The following SLC7A11 variants were observed in gnomAD, a reference collection of about 807,000 sequenced individuals.
The protein encoded by SLC7A11 is cystine/glutamate transporter.
Under a neutral mutation model 54.5 loss-of-function variants are expected in SLC7A11, and 35 were observed. That is an observed-to-expected ratio of 0.64 (90% CI 0.49 to 0.85). SLC7A11 has a LOEUF of 0.85. Ranked by LOEUF, SLC7A11 falls within the 40% of genes least tolerant of loss-of-function variation. SLC7A11 has a pLI of 0.00. For synonymous variants in SLC7A11, 230 were observed against 225.2 expected (o/e 1.02, Z -0.19); for missense variants, 583 against 618.1 (o/e 0.94, Z 0.60).
chr4:138,202,493 T>C lies in SLC7A11; in HGVS notation c.791+12092A>G, dbSNP rs189175933. On this transcript the variant is annotated intron_variant, in intron 6 of 11. Coordinates refer to ENST00000280612, the MANE Select transcript of SLC7A11 (RefSeq NM_014331.4). ...GTCCTGCCTAATCTCCTAACCATCA[T>C]GGGATCTGGAAAATGGCCATAGCAT... Among the ~76,000 whole-genome samples, 350 of 152,234 alleles carry C rather than the reference T, an allele frequency of 2.3e-3. 1 individual carries two copies. The highest frequency in any genetic ancestry group is 4.0e-3 in the Non-Finnish European group (271 of 67,990).
Position 138,179,447 on chromosome 4 carries a change from C to T in SLC7A11, c.1267-53G>A, listed in dbSNP as rs527732193. 158 of 1,525,008 alleles carry T rather than the reference C, an allele frequency of 1.0e-4. No individual in the cohort carries two copies. In the African/African-American group the frequency reaches 2.0e-3, roughly 19 times the overall value. 94.5% of individuals were successfully genotyped at this position (1,525,008 alleles called of 1,614,324 possible). On this transcript the variant is annotated intron_variant, in intron 10 of 11. Transcript: ENST00000280612. ...TTCAAACATGTTCAAGCAACAGAAG[C>T]TGGGTTTGAGATGAGCGTGTCAGTC...
At chr4:138,179,492 T>TA (rs1397788290) in intron 10 of SLC7A11, 98 bp from the exon 11 acceptor site, 1 of 1,012,066 alleles carries the variant, frequency 9.9e-7, no homozygotes, top group Non-Finnish European at 1.5e-6. Flanking sequence ...ACTTTAGTGA[T>TA]ATGCTGTAGT....
chr4:138,201,382 G>A (rs1737282192), intron 6 of SLC7A11, among the ~76,000 whole-genome samples: 1 of 151,958 alleles, frequency 6.6e-6, no homozygotes, highest in Non-Finnish European at 1.5e-5. Context: ...AATTTTAAGA[G>A]AAAGCATATA....
chr4:138,211,895 T>G (rs190765803), intron 6 of SLC7A11, among the ~76,000 whole-genome samples: 1 of 151,988 alleles, frequency 6.6e-6, no homozygotes, highest in African/African-American at 2.4e-5. Flanking sequence ...AAGGAGAAAG[T>G]AATGAAGATA....
rs1307564930 is a variant in SLC7A11 at position 138,165,605 on chromosome 4, A to G, written c.*6351T>C. 1 of 152,186 alleles carries G rather than the reference A, an allele frequency of 6.6e-6. No homozygotes were observed. The highest frequency in any genetic ancestry group is 1.5e-5 in the Non-Finnish European group (1 of 68,004). The allele number at this position is 152,186 out of a possible 1,614,324, so 9.4% of individuals were successfully genotyped here. Reference sequence around the variant, plus strand: ...AGAAGTTCTAGTGAAAAGTCATACTATTGTGCAAAGATGAAAATTTGGAGC... The same window carrying G: ...AGAAGTTCTAGTGAAAAGTCATACTGTTGTGCAAAGATGAAAATTTGGAGC... On this transcript the variant is annotated 3_prime_UTR_variant, in exon 12 of 12. Coordinates refer to ENST00000280612, the MANE Select transcript of SLC7A11 (RefSeq NM_014331.4).
intron 6 of SLC7A11, among the ~76,000 whole-genome samples, chr4:138,204,838 T>C (rs1438329380): frequency 6.6e-6 from 1 of 152,076 alleles, no homozygotes; most frequent in Non-Finnish European, 1.5e-5. Context: ...CATCATCTTC[T>C]GAACCTTTTA....
In SLC7A11 at chr4:138,170,269, TATAC is replaced by T. The variant is rs1253987973; in HGVS notation, c.*1683_*1686del. ...GTGTGTGTATATATATATATATATA[TATAC>T]ACACACACACACACACACACATACA... On this transcript the variant is annotated 3_prime_UTR_variant, in exon 12 of 12. Coordinates refer to ENST00000280612, the MANE Select transcript of SLC7A11 (RefSeq NM_014331.4). 2.7e-4 allele frequency: 22 copies of T among 81,296 alleles called. No individual in the cohort carries two copies. Among genetic ancestry groups the T allele is most frequent in the African/African-American group, 8.0e-4 (19 of 23,634 alleles). The allele number at this position is 81,296 out of a possible 1,614,324, so 5.0% of individuals were successfully genotyped here.
At chr4:138,204,610 G>A (rs1331629584) in intron 6 of SLC7A11, among the ~76,000 whole-genome samples, 1 of 151,898 alleles carries the variant, frequency 6.6e-6, no homozygotes, top group African/African-American at 2.4e-5. Flanking sequence ...TGGTAAGACA[G>A]TAAACCTAAA....
rs934031476 is a variant in SLC7A11, at chr4:138,168,301, T to A, written c.*3655A>T. The A allele has an allele frequency of 6.6e-6, 1 of 152,198 alleles. No individual in the cohort carries two copies. Among genetic ancestry groups the A allele is most frequent in the Non-Finnish European group, 1.5e-5 (1 of 68,036 alleles). 9.4% of individuals were successfully genotyped at this position (152,198 alleles called of 1,614,324 possible). The stretch of plus-strand genomic sequence containing the variant: ...CACAGCAAACAACTAATTTTTAATA[T>A]TTCTCTGACTATATTGCATAACATT... On this transcript the variant is annotated 3_prime_UTR_variant, in exon 12 of 12. Coordinates refer to ENST00000280612, the MANE Select transcript of SLC7A11 (RefSeq NM_014331.4).
intron 6 of SLC7A11, among the ~76,000 whole-genome samples, chr4:138,186,311 A>G (rs78534873): frequency 0.012 from 1,829 of 152,240 alleles, 32 homozygotes; most frequent in African/African-American, 0.041. Flanking sequence ...GAAGACCTCA[A>G]TATAATTTCT....
chr4:138,219,165 G>A (rs1474051600), intron 5 of SLC7A11, 101 bp downstream of exon 5: 2 of 701,498 alleles, frequency 2.9e-6, no homozygotes, highest in Non-Finnish European at 5.1e-6. Context: ...ACTGGATTAT[G>A]GCTATTCACA....
chr4:138,241,220 G>C (rs1738369564), intron 1 of SLC7A11, among the ~76,000 whole-genome samples: 2 of 152,196 alleles, frequency 1.3e-5, no homozygotes, highest in Admixed American at 1.3e-4. Flanking sequence ...TTATGATAGG[G>C]ATTGAGTTAT....
chr4:138,196,677 TAGAC>T (rs746254409), intron 6 of SLC7A11, among the ~76,000 whole-genome samples: 11 of 151,972 alleles, frequency 7.2e-5, no homozygotes, highest in Non-Finnish European at 1.5e-4. Context: ...TATTATTTTT[TAGAC>T]AGAGCCTCAC....
chr4:138,226,345 T>G lies in SLC7A11; in HGVS notation c.521-3021A>C, dbSNP rs149878591. ...TCACAGGTGAATACATACATCACAC[T>G]TTATCAAACTGTACATTTAAAGCAT... On this transcript the variant is annotated intron_variant, in intron 3 of 11. Coordinates refer to ENST00000280612, the MANE Select transcript of SLC7A11 (RefSeq NM_014331.4). 8.5e-3 allele frequency among the ~76,000 whole-genome samples: 1,294 copies of G among 152,314 alleles called. 14 individuals are homozygous for G. The highest frequency in any genetic ancestry group is 0.027 in the Middle Eastern group (8 of 294).
chr4:138,222,059 C>T (rs1737825732), intron 4 of SLC7A11, among the ~76,000 whole-genome samples: 1 of 152,204 alleles, frequency 6.6e-6, no homozygotes, highest in South Asian at 2.1e-4. Context: ...GAAGAGCAAG[C>T]TCCTGTCTTC....
chr4:138,172,036 G>A lies in SLC7A11; in HGVS notation c.1445-19C>T, dbSNP rs868360832. 1.3e-6 allele frequency: 2 copies of A among 1,566,266 alleles called. No individual in the cohort carries two copies. Among genetic ancestry groups the A allele is most frequent in the Non-Finnish European group, 1.7e-6 (2 of 1,162,814 alleles). ...ATTTTCTCTACAAAGAAATAAAAAT[G>A]AATTAAAAATGCATGGAAATCAGAA... On this transcript the variant is annotated intron_variant, in intron 11 of 11. Coordinates refer to ENST00000280612, the MANE Select transcript of SLC7A11 (RefSeq NM_014331.4).
rs538400671 is a variant in SLC7A11 at position 138,179,481 on chromosome 4, T to C, written c.1267-87A>G. The C allele has an allele frequency of 3.1e-4, 352 of 1,143,144 alleles. 4 individuals are homozygous for C. In the Admixed American group the frequency reaches 7.3e-3, roughly 24 times the overall value. 70.8% of individuals were successfully genotyped at this position (1,143,144 alleles called of 1,614,324 possible). ...AGATGAGCGTGTCAGTCATGACATA[T>C]ACTTTAGTGATATGCTGTAGTCATG... On this transcript the variant is annotated intron_variant, in intron 10 of 11. Coordinates refer to ENST00000280612, the MANE Select transcript of SLC7A11 (RefSeq NM_014331.4).
intron 6 of SLC7A11, among the ~76,000 whole-genome samples, chr4:138,204,479 T>C (rs1406822167): frequency 1.3e-5 from 2 of 152,060 alleles, no homozygotes; most frequent in East Asian, 3.9e-4. Context: ...ATTTGTATTC[T>C]TCTGTTTTGT....
intron 6 of SLC7A11, among the ~76,000 whole-genome samples, chr4:138,188,710 T>A (rs1736939571): frequency 6.6e-6 from 1 of 152,180 alleles, no homozygotes; most frequent in South Asian, 2.1e-4. Context: ...TGGCACTTGA[T>A]AATGAAGGGA....
Sources: allele counts gnomAD v4.1 joint callset (sites outside exome capture counted in the v4.1 genomes callset), GRCh38; gene constraint gnomAD v4.1.1; transcripts MANE v1.5; gene names NCBI Gene and HGNC (gene_info 2026-07-23, HGNC 2026-07-21).